The following EPHA10 variants were observed in gnomAD, a reference collection of about 807,000 sequenced individuals.
EPHA10 encodes EPH receptor A10, also known as ephrin type-A receptor 10.
A neutral mutation model predicts 109.7 loss-of-function variants in EPHA10; 120 were observed. The observed-to-expected ratio is 1.09, with a 90% confidence interval of 0.94 to 1.27. The LOEUF (loss-of-function observed/expected upper bound fraction) is 1.27. Ranked by LOEUF, EPHA10 falls within the 50% of genes most tolerant of loss-of-function variation. The pLI, the probability that EPHA10 is intolerant of heterozygous loss-of-function variation, is 0.00. For missense variants in EPHA10, 1,396 were observed against 1,411.1 expected (o/e 0.99, Z 0.17); for synonymous variants, 640 against 618.9 (o/e 1.03, Z -0.51).
At chr1:37,743,176 TG>T (rs1378237382) in intron 5 of EPHA10, among the ~76,000 whole-genome samples, 7 of 151,888 alleles carry the variant, frequency 4.6e-5, no homozygotes, top group Admixed American at 4.6e-4. Context: ...TACCAGAAAT[TG>T]GGTATATGAA....
At chr1:37,731,706 A>C in intron 6 of EPHA10, 124 bp from the exon 7 acceptor site, 2 of 1,028,246 alleles carry the variant, frequency 1.9e-6, no homozygotes, top group Non-Finnish European at 2.7e-6. Flanking sequence ...GAGTGCGAAA[A>C]CCCAACCTCA....
intron 7 of EPHA10, among the ~76,000 whole-genome samples, chr1:37,730,660 C>T (rs1645966076): frequency 6.6e-6 from 1 of 152,020 alleles, no homozygotes; most frequent in Admixed American, 6.6e-5. Context: ...ATATCGTTCG[C>T]ATACCATGTG....
intron 7 of EPHA10, among the ~76,000 whole-genome samples, chr1:37,730,589 T>C (rs1288070253): frequency 6.6e-6 from 1 of 152,150 alleles, no homozygotes; most frequent in Non-Finnish European, 1.5e-5. Context: ...GCCGGAGATG[T>C]TTTCAGATGA....
At chr1:37,724,287 A>G (rs1645851251) in intron 8 of EPHA10, among the ~76,000 whole-genome samples, 1 of 152,182 alleles carries the variant, frequency 6.6e-6, no homozygotes, top group African/African-American at 2.4e-5. Context: ...TGGGATGAGG[A>G]GACAAAAAGT....
rs535913803 is a variant in EPHA10 at position 37,716,549 on chromosome 1, G to T, written c.*1823C>A. 5.4e-5 allele frequency: 12 copies of T among 221,112 alleles called. No homozygotes were observed. Among genetic ancestry groups the T allele is most frequent in the African/African-American group, 2.8e-4 (11 of 39,888 alleles). The allele number at this position is 221,112 out of a possible 1,614,324, so 13.7% of individuals were successfully genotyped here. On this transcript the variant is annotated 3_prime_UTR_variant, in exon 17 of 17. Transcript: ENST00000373048. Reference sequence around the variant, plus strand: ...CTGGGGCAGGTGCTCAGGAGACAGGGAGGCAGGGGGCTGGGGGGAGATTCC... The same window carrying T: ...CTGGGGCAGGTGCTCAGGAGACAGGTAGGCAGGGGGCTGGGGGGAGATTCC...
intron 3 of EPHA10, chr1:37,760,532 C>G: frequency 1.2e-6 from 1 of 868,746 alleles, no homozygotes; most frequent in Non-Finnish European, 1.4e-6. Flanking sequence ...GCATAAAAAT[C>G]CCCCCTGCCA....
At chr1:37,739,860 AG>A (rs1375685078) in intron 5 of EPHA10, among the ~76,000 whole-genome samples, 1 of 150,660 alleles carries the variant, frequency 6.6e-6, no homozygotes, top group Non-Finnish European at 1.5e-5. Flanking sequence ...TGGGAGGGCC[AG>A]GGTGGGAGGA....
chr1:37,762,849 A>T lies in EPHA10; in HGVS notation c.107T>A (p.Val36Asp). The change falls in exon 2 of 17, where the codon GTT becomes GAT. Residue 36 changes from valine (V) to aspartate (D), a missense_variant and splice_region_variant. Transcript: ENST00000373048. ...GGAGGCTTTGGAATCCAGGAGGATA[A>T]CTAAGGAGAGGGGAAGACAGAAATA... The part of the protein sequence containing the change: ...GPWRPGTAEE[V>D]ILLDSKASQA... 6.4e-7 allele frequency: 1 copy of T among 1,551,980 alleles called. No individual in the cohort carries two copies. Among genetic ancestry groups the T allele is most frequent in the Non-Finnish European group, 8.7e-7 (1 of 1,147,072 alleles).
At position 37,754,472 on chromosome 1, in the gene EPHA10, A is replaced by C. The variant is rs1485226710; in HGVS notation, c.851-102T>G. On this transcript the variant is annotated intron_variant, in intron 3 of 16. Coordinates refer to ENST00000373048, the MANE Select transcript of EPHA10 (RefSeq NM_001099439.2). The surrounding 1 kb of genome is among the most constrained non-coding windows in gnomAD (Gnocchi z 4.5). ...CGTTTATCTCCTCCAATTGCGATAG[A>C]AAAACAGTCAGGGGACTCAGCCACT... The C allele has an allele frequency of 5.3e-6, 6 of 1,140,916 alleles. No homozygotes were observed. Among genetic ancestry groups the C allele is most frequent in the Non-Finnish European group, 4.4e-6 (4 of 899,678 alleles). 70.7% of individuals were successfully genotyped at this position (1,140,916 alleles called of 1,614,324 possible).
intron 7 of EPHA10, 83 bp from the exon 8 acceptor site, chr1:37,727,293 G>A: frequency 8.9e-7 from 1 of 1,123,192 alleles, no homozygotes; most frequent in Non-Finnish European, 1.2e-6. Flanking sequence ...TCCTCACCCT[G>A]TAGCAGGATT....
intron 5 of EPHA10, among the ~76,000 whole-genome samples, chr1:37,748,376 A>C (rs1357468586): frequency 6.6e-6 from 1 of 152,150 alleles, no homozygotes; most frequent in African/African-American, 2.4e-5. Context: ...TAAACAAATA[A>C]ATAAAACTTT....
intron 3 of EPHA10, among the ~76,000 whole-genome samples, chr1:37,759,631 A>G (rs1207044171): frequency 6.6e-6 from 1 of 152,182 alleles, no homozygotes; most frequent in Admixed American, 6.5e-5. Flanking sequence ...CCTGAGCTCA[A>G]GAAGTTCCTA....
At chr1:37,762,188 C>T in intron 2 of EPHA10, 105 bp from the exon 3 acceptor site, 1 of 1,097,582 alleles carries the variant, frequency 9.1e-7, no homozygotes, top group Non-Finnish European at 1.3e-6. Context: ...CATGCACACC[C>T]CGGAAATTGT....
intron 3 of EPHA10, among the ~76,000 whole-genome samples, chr1:37,759,147 T>C (rs992217325): frequency 2.0e-5 from 3 of 152,228 alleles, no homozygotes; most frequent in African/African-American, 7.2e-5. Flanking sequence ...GCTTGAGTGA[T>C]ATTTTGAAAA....
intron 6 of EPHA10, among the ~76,000 whole-genome samples, chr1:37,734,884 C>G (rs2148335487): frequency 6.6e-6 from 1 of 152,314 alleles, no homozygotes; most frequent in Non-Finnish European, 1.5e-5. Flanking sequence ...TGGTCAGGCA[C>G]TTTTGTAAAA....
chr1:37,731,294 C>G, intron 7 of EPHA10, 117 bp downstream of exon 7: 1 of 1,133,786 alleles, frequency 8.8e-7, no homozygotes, highest in African/African-American at 1.6e-5. Context: ...GTTCTGCAGG[C>G]TCCCTTCATT....
At position 37,752,989 on chromosome 1, in the gene EPHA10, A is replaced by C; in HGVS notation, c.1244T>G (p.Leu415Arg). The change falls in exon 5 of 17, where the codon CTG (leucine) becomes CGG (arginine). Residue 415 changes from leucine (L) to arginine (R), a missense_variant. Physicochemically the swap from Leu to Arg is moderately radical, Grantham distance 102. Coordinates refer to ENST00000373048, the MANE Select transcript of EPHA10 (RefSeq NM_001099439.2). ...LRERAATLLH[L>R]RPGARYTVRV... ...CACGGTGTAGCGCGCGCCGGGCCGC[A>C]GGTGCAGCAGCGTGGCGGCTCGCTC... 1 of 1,232,448 alleles carries C rather than the reference A, an allele frequency of 8.1e-7. No homozygotes were observed. The highest frequency in any genetic ancestry group is 1.0e-6 in the Non-Finnish European group (1 of 988,638). The allele number at this position is 1,232,448 out of a possible 1,614,324, so 76.3% of individuals were successfully genotyped here.
rs533662176 is a variant in EPHA10, at chr1:37,733,325, G to A, written c.1492-1743C>T. 1.1e-4 allele frequency among the ~76,000 whole-genome samples: 16 copies of A among 152,024 alleles called. No homozygotes were observed. In the East Asian group the frequency reaches 1.6e-3, roughly 15 times the overall value. On this transcript the variant is annotated intron_variant, in intron 6 of 16. Transcript: ENST00000373048. ...CAGCCTCGACTTCCCGGGCTCAAGC[G>A]ATCTTCCTGCTTCAGCATCCCAAGT...
At chr1:37,723,438 G>A in intron 8 of EPHA10, 66 bp from the exon 9 acceptor site, 2 of 1,557,670 alleles carry the variant, frequency 1.3e-6, no homozygotes, top group Admixed American at 1.8e-5. Context: ...ACAGAGCACT[G>A]AGGGCAGCAC....
Sources: allele counts gnomAD v4.1 joint callset (sites outside exome capture counted in the v4.1 genomes callset), GRCh38; gene constraint gnomAD v4.1.1; non-coding constraint Gnocchi (gnomAD v3.1); transcripts MANE v1.5; gene names NCBI Gene and HGNC (gene_info 2026-07-23, HGNC 2026-07-21).